Variants in SART3 observed in about 807,000 individuals in gnomAD.
SART3 encodes HIV-1 Tat-interacting protein of 110kDa.
In SART3, 44 loss-of-function variants were observed where a neutral mutation model predicts 122.3. That is an observed-to-expected ratio of 0.36 (90% CI 0.28 to 0.46). SART3 has a LOEUF of 0.46. Among genes scored for constraint, SART3 ranks in the 20% least tolerant of loss-of-function variants. The pLI is 1.00. For missense variants in SART3, 1,101 were observed against 1,229.0 expected, an observed-to-expected ratio of 0.90 and a Z score of 1.56; for synonymous variants, 442 against 454.0, an observed-to-expected ratio of 0.97 and a Z score of 0.34.
At chr12:108,545,826 C>A (rs1164150007) in intron 3 of SART3, among the ~76,000 whole-genome samples, 2 of 151,756 alleles carry the variant, frequency 1.3e-5, no homozygotes, top group East Asian at 1.9e-4. Flanking sequence ...ATTAGCCAGG[C>A]GTTGTGGCAG....
chr12:108,560,504 T>G, intron 1 of SART3: 1 of 398,508 alleles, frequency 2.5e-6, no homozygotes. Context: ...TGGTTAAGAG[T>G]GGGAGTTCTG....
At chr12:108,525,979 G>T in intron 16 of SART3, 120 bp downstream of exon 16, 1 of 868,766 alleles carries the variant, frequency 1.2e-6, no homozygotes, top group Non-Finnish European at 1.8e-6. Context: ...TCACAAGGAA[G>T]TTTAGATCCA....
At chr12:108,530,435 C>T (rs958160240) in intron 14 of SART3, 125 bp from the exon 15 acceptor site, 23 of 1,062,250 alleles carry the variant, frequency 2.2e-5, no homozygotes, top group African/African-American at 1.1e-4. Context: ...AGGAGAAAAA[C>T]GTGGACAGGC....
At chr12:108,529,645 C>A (rs181453817) in intron 15 of SART3, among the ~76,000 whole-genome samples, 1 of 152,290 alleles carries the variant, frequency 6.6e-6, no homozygotes, top group Admixed American at 6.5e-5. Context: ...CACAGTCCAC[C>A]TGATGGGACT....
Position 108,545,220 on chromosome 12 carries a change from A to T in SART3, c.648T>A (p.Ser216=), listed in dbSNP as rs754181622. 6.2e-7 allele frequency: 1 copy of T among 1,614,200 alleles called. No individual in the cohort carries two copies. Among genetic ancestry groups the T allele is most frequent in the East Asian group, 2.2e-5 (1 of 44,884 alleles). Residue 216 remains serine, a synonymous_variant, in exon 4 of 19, where the codon TCT becomes TCA. Transcript: ENST00000546815. ...GTCCTTTGGTCATATGTAAACCAAC[A>T]GACGAGAGAGCCCTTTCAAACACGG... The part of the protein sequence containing the change: ...VRSVFERALS[S]VGLHMTKGLA...
At chr12:108,524,905 C>G (rs1872302849) in intron 17 of SART3, 23 of 326,276 alleles carry the variant, frequency 7.0e-5, no homozygotes, top group South Asian at 6.6e-4. Context: ...CCCGCTCCCT[C>G]ATTTCATCCT....
At chr12:108,558,798 C>A (rs545134673) in intron 1 of SART3, among the ~76,000 whole-genome samples, 67 of 152,210 alleles carry the variant, frequency 4.4e-4, no homozygotes, top group South Asian at 8.3e-4. Context: ...CTTTGGGAGG[C>A]CGAGGCGGGC....
rs1236452043 is a variant in SART3 at position 108,523,012 on chromosome 12, C to T, written c.*445G>A. ...CCTCAGACCCACCCCCACAAGAGGC[C>T]ATTCTGTGAATTACTAGCATCTGCC... is the stretch of plus-strand genomic sequence containing the variant. On this transcript the variant is annotated 3_prime_UTR_variant, in exon 19 of 19. Coordinates refer to ENST00000546815, the MANE Select transcript of SART3 (RefSeq NM_014706.4). The T allele has an allele frequency of 5.3e-6, 1 of 188,198 alleles. No homozygotes were observed. Among genetic ancestry groups the T allele is most frequent in the East Asian group, 1.4e-4 (1 of 7,318 alleles). The allele number at this position is 188,198 out of a possible 1,614,324, so 11.7% of individuals were successfully genotyped here. A position where few individuals can be genotyped will look rare whatever the true frequency, so the allele number is the denominator to read the frequency against.
chr12:108,542,811 T>G (rs1565863736), intron 6 of SART3: 1 of 664,694 alleles, frequency 1.5e-6, no homozygotes, highest in Admixed American at 2.1e-5. Context: ...GAGGGGCACA[T>G]AGGAGACTTC....
chr12:108,539,160 A>G, intron 6 of SART3, 71 bp from the exon 7 acceptor site: 1 of 1,567,564 alleles, frequency 6.4e-7, no homozygotes, highest in Non-Finnish European at 8.7e-7. Flanking sequence ...AATAAAATAA[A>G]TTTTGGCAAA....
At chr12:108,531,359 T>C in intron 13 of SART3, 79 bp from the exon 14 acceptor site, 1 of 1,071,688 alleles carries the variant, frequency 9.3e-7, no homozygotes, top group Non-Finnish European at 1.4e-6. Context: ...TTAATTTCTC[T>C]GTACCTCCAG....
chr12:108,543,775 T>C lies in SART3; in HGVS notation c.782-623A>G, dbSNP rs557650755. Among the ~76,000 whole-genome samples, 97 of 152,350 alleles carry C rather than the reference T, an allele frequency of 6.4e-4. 1 individual carries two copies. In the South Asian group the frequency reaches 0.015, roughly 24 times the overall value. ...TAAAGTTGCCCAGAGGTTCTGAGTATGTACAACACATGCCCGTGTCTAGGG... is the reference window on the plus strand; with the variant it reads ...TAAAGTTGCCCAGAGGTTCTGAGTACGTACAACACATGCCCGTGTCTAGGG... On this transcript the variant is annotated intron_variant, in intron 5 of 18. Coordinates refer to ENST00000546815, the MANE Select transcript of SART3 (RefSeq NM_014706.4).
At chr12:108,539,211 A>T in intron 6 of SART3, 122 bp from the exon 7 acceptor site, 1 of 944,670 alleles carries the variant, frequency 1.1e-6, no homozygotes, top group Non-Finnish European at 1.6e-6. Flanking sequence ...CCTCACTCTC[A>T]GAACCACTCC....
In SART3 at chr12:108,537,570, G is replaced by T. The variant is rs114776675; in HGVS notation, c.1227C>A (p.Ala409=). The change falls in exon 9 of 19, where the codon GCC becomes GCA. Residue 409 remains alanine (A), a synonymous_variant. Coordinates refer to ENST00000546815, the MANE Select transcript of SART3 (RefSeq NM_014706.4). ...ISVTFEKALN[A]GFIQATDYVE... ...CATAATCAGTGGCCTGGATGAAGCC[G>T]GCATTCAAAGCTTTCTCGAAGGTTA... 4 of 1,613,982 alleles carry T rather than the reference G, an allele frequency of 2.5e-6. No homozygotes were observed. The highest frequency in any genetic ancestry group is 3.4e-6 in the Non-Finnish European group (4 of 1,179,890).
At chr12:108,553,517 T>C (rs2030090130) in intron 1 of SART3, among the ~76,000 whole-genome samples, 1 of 152,240 alleles carries the variant, frequency 6.6e-6, no homozygotes, top group South Asian at 2.1e-4. Context: ...CATTAGTATC[T>C]ACTCTTCCAA....
chr12:108,525,967 G>A (rs1301766972), intron 16 of SART3, 132 bp downstream of exon 16: 7 of 787,640 alleles, frequency 8.9e-6, no homozygotes, highest in Non-Finnish European at 4.1e-6. Flanking sequence ...ATGGACCTTG[G>A]CTCACAAGGA....
chr12:108,526,732 C>T (rs1048940821), intron 15 of SART3, among the ~76,000 whole-genome samples, 179 bp from the exon 16 acceptor site: 11 of 151,428 alleles, frequency 7.3e-5, no homozygotes, highest in Admixed American at 6.0e-4. Context: ...ACCTGTCCCA[C>T]GACTTTCTGT....
At position 108,526,472 on chromosome 12, in the gene SART3, G is replaced by A; in HGVS notation, c.1997C>T (p.Pro666Leu). 6.2e-7 allele frequency: 1 copy of A among 1,614,168 alleles called. No homozygotes were observed. Among genetic ancestry groups the A allele is most frequent in the Non-Finnish European group, 8.5e-7 (1 of 1,180,032 alleles). ...ETQNVEVAAGPAGKCAAVDVE... is the reference protein window; with the variant it reads ...ETQNVEVAAGLAGKCAAVDVE... ...ATCTACGGCAGCACATTTCCCAGCG[G>A]GCCCTGCTGCTACTTCTACATTTTG... The change falls in exon 16 of 19, where the codon CCC (proline) becomes CTC (leucine). Residue 666 changes from proline to leucine, a missense_variant. Pro to Leu is a moderately conservative substitution (Grantham distance 98). Transcript: ENST00000546815.
rs1328383302 is a variant in SART3, at chr12:108,531,491, C to T, written c.1670-211G>A. On this transcript the variant is annotated intron_variant, in intron 13 of 18. Coordinates refer to ENST00000546815, the MANE Select transcript of SART3 (RefSeq NM_014706.4). Reference sequence around the variant, plus strand: ...TCTCCTTTCAGGAGAGACTTGAAAACCAGAATATGATCTATTAAGGGCTCT... The same window carrying T: ...TCTCCTTTCAGGAGAGACTTGAAAATCAGAATATGATCTATTAAGGGCTCT... The T allele has an allele frequency of 9.1e-6, 5 of 548,690 alleles. No homozygotes were observed. In the Admixed American group the frequency reaches 1.5e-4, roughly 17 times the overall value. 34.0% of individuals were successfully genotyped at this position (548,690 alleles called of 1,614,324 possible).
Sources: gnomAD v4.1 joint callset for allele counts (sites outside exome capture counted in the v4.1 genomes callset) on GRCh38, gnomAD v4.1.1 for gene constraint, MANE v1.5 for transcripts, NCBI Gene and HGNC (gene_info 2026-07-23, HGNC 2026-07-21) for gene names.